The following AGT variants were observed in gnomAD, a reference collection of about 807,000 sequenced individuals.
The protein encoded by AGT is alpha-1 antiproteinase, antitrypsin.
Under a neutral mutation model 28.1 loss-of-function variants are expected in AGT, and 26 were observed. The observed-to-expected ratio is 0.92, with a 90% CI of 0.68 to 1.28. The LOEUF (loss-of-function observed/expected upper bound fraction) is 1.28. AGT is among the 50% of genes most tolerant of loss of function. The probability of loss-of-function intolerance (pLI) is 0.00; values close to 1 mark genes in which losing one functional copy is unlikely to be tolerated. For missense variants in AGT, 596 were observed against 592.3 expected (o/e 1.01, Z -0.06); for synonymous variants, 259 against 259.6 (o/e 1.00, Z 0.02).
chr1:230,727,098 T>C (rs974535329), intron 1 of AGT, among the ~76,000 whole-genome samples: 6 of 152,134 alleles, frequency 3.9e-5, no homozygotes, highest in Non-Finnish European at 8.8e-5. Context: ...TGGCAGGAAA[T>C]TAGAACCACA....
At chr1:230,724,372 G>C (rs981779773) in intron 1 of AGT, among the ~76,000 whole-genome samples, 2 of 152,112 alleles carry the variant, frequency 1.3e-5, no homozygotes, top group East Asian at 3.9e-4. Context: ...CTTATTTAAT[G>C]TATAATTTTA....
intron 1 of AGT, among the ~76,000 whole-genome samples, chr1:230,743,060 G>A (rs976029824): frequency 1.3e-5 from 2 of 152,036 alleles, no homozygotes; most frequent in African/African-American, 4.8e-5. Flanking sequence ...GCTCGATCTC[G>A]GCTCACTGCA....
Position 230,703,320 on chromosome 1 carries a change from T to C in AGT, c.1252A>G (p.Ser418Gly). Residue 418 changes from serine (S) to glycine (G), a missense_variant, in exon 5 of 5, where the codon AGC becomes GGC. Physicochemically the swap from Ser to Gly is moderately conservative, Grantham distance 56. Coordinates refer to ENST00000366667, the MANE Select transcript of AGT (RefSeq NM_001384479.1). ...DRIRVGEVLN[S>G]IFFELEADER... The stretch of plus-strand genomic sequence containing the variant: ...TCCGCTTCAAGCTCAAAAAAAATGC[T>C]GTTCAGCACCTGCAAAGCAGCAGAC... The C allele has an allele frequency of 6.2e-7, 1 of 1,614,208 alleles. No individual in the cohort carries two copies. Among genetic ancestry groups the C allele is most frequent in the Non-Finnish European group, 8.5e-7 (1 of 1,180,034 alleles).
chr1:230,719,936 A>G (rs1161141166), intron 1 of AGT, among the ~76,000 whole-genome samples: 2 of 152,198 alleles, frequency 1.3e-5, no homozygotes, highest in Admixed American at 1.3e-4. Flanking sequence ...TTGACAAAAG[A>G]AAAGCTTTCT....
chr1:230,703,027 G>C lies in AGT; in HGVS notation c.*114C>G. On this transcript the variant is annotated 3_prime_UTR_variant, in exon 5 of 5. Coordinates refer to ENST00000366667, the MANE Select transcript of AGT (RefSeq NM_001384479.1). Reference sequence around the variant, plus strand: ...GTCGACTCATTAGAAGAAAAGGTGGGAGACTGGGGGTGACACATCGCTGAT... The same window carrying C: ...GTCGACTCATTAGAAGAAAAGGTGGCAGACTGGGGGTGACACATCGCTGAT... 8.4e-7 allele frequency: 1 copy of C among 1,196,608 alleles called. No homozygotes were observed. The highest frequency in any genetic ancestry group is 1.2e-6 in the Non-Finnish European group (1 of 850,110). 74.1% of individuals were successfully genotyped at this position (1,196,608 alleles called of 1,614,324 possible).
chr1:230,739,387 G>T (rs540259888), intron 1 of AGT, among the ~76,000 whole-genome samples: 1 of 152,002 alleles, frequency 6.6e-6, no homozygotes, highest in Non-Finnish European at 1.5e-5. Flanking sequence ...ACTATGGGGC[G>T]GGGGGTGGCT....
intron 1 of AGT, among the ~76,000 whole-genome samples, chr1:230,740,607 A>C (rs1657589606): frequency 6.6e-6 from 1 of 152,186 alleles, no homozygotes; most frequent in African/African-American, 2.4e-5. Flanking sequence ...TTTTGGTGCG[A>C]GGTGGTAACT....
intron 1 of AGT, among the ~76,000 whole-genome samples, chr1:230,726,815 G>C (rs1663951978): frequency 1.3e-5 from 2 of 152,204 alleles, no homozygotes; most frequent in South Asian, 4.1e-4. Flanking sequence ...CTGCAGATTT[G>C]TCTAAACCCA....
chr1:230,709,438 A>T (rs1186219409), intron 2 of AGT, among the ~76,000 whole-genome samples: 2 of 78,474 alleles, frequency 2.5e-5, no homozygotes, highest in South Asian at 4.0e-4. Flanking sequence ...TGTCTCAATA[A>T]AAAAAAAAAA....
At chr1:230,714,866 T>A (rs1663697752), upstream of AGT, among the ~76,000 whole-genome samples, 1 of 152,202 alleles carries the variant, frequency 6.6e-6, no homozygotes, top group Non-Finnish European at 1.5e-5. Flanking sequence ...ATTCTTATTT[T>A]CCTATAGGTA....
At chr1:230,742,848 G>A (rs375077812) in intron 1 of AGT, among the ~76,000 whole-genome samples, 2 of 152,250 alleles carry the variant, frequency 1.3e-5, no homozygotes, top group African/African-American at 2.4e-5. Flanking sequence ...TTCGGGGTGC[G>A]GCTCTATCAT....
chr1:230,734,956 T>C (rs1029569833), intron 1 of AGT, among the ~76,000 whole-genome samples: 4 of 152,096 alleles, frequency 2.6e-5, no homozygotes, highest in East Asian at 1.9e-4. Context: ...CCTCGTGATC[T>C]GCCCACCTTG....
At chr1:230,730,774 C>T (rs1183969002) in intron 1 of AGT, among the ~76,000 whole-genome samples, 1 of 152,164 alleles carries the variant, frequency 6.6e-6, no homozygotes. Context: ...TTCCATTATA[C>T]TTCTCCAACA....
intron 1 of AGT, among the ~76,000 whole-genome samples, chr1:230,739,888 G>A (rs917084243): frequency 6.6e-6 from 1 of 152,146 alleles, no homozygotes; most frequent in African/African-American, 2.4e-5. Context: ...AGGGTTCTTG[G>A]ACCTCACGCA....
intron 1 of AGT, among the ~76,000 whole-genome samples, chr1:230,713,809 C>T (rs958004785): frequency 2.6e-5 from 4 of 152,166 alleles, no homozygotes; most frequent in Non-Finnish European, 5.9e-5. Context: ...TGTTCCTGTA[C>T]CAGTCTGCTC....
At chr1:230,736,255 G>T (rs2102805607) in intron 1 of AGT, among the ~76,000 whole-genome samples, 1 of 152,182 alleles carries the variant, frequency 6.6e-6, no homozygotes, top group Non-Finnish European at 1.5e-5. Flanking sequence ...TGGGCGCGGT[G>T]GCTCACACCT....
At chr1:230,738,884 T>C (rs904573932) in intron 1 of AGT, among the ~76,000 whole-genome samples, 1 of 152,154 alleles carries the variant, frequency 6.6e-6, no homozygotes, top group Non-Finnish European at 1.5e-5. Flanking sequence ...CCCAGTAATA[T>C]TGTACACAGA....
intron 1 of AGT, among the ~76,000 whole-genome samples, chr1:230,735,098 T>C (rs79414992): frequency 0.011 from 1,687 of 152,226 alleles, 30 homozygotes; most frequent in African/African-American, 0.039. Flanking sequence ...CCGTTGCTCA[T>C]GGAGGACTGC....
At chr1:230,725,334 G>A (rs564931916) in intron 1 of AGT, among the ~76,000 whole-genome samples, 1 of 152,270 alleles carries the variant, frequency 6.6e-6, no homozygotes, top group Non-Finnish European at 1.5e-5. Context: ...GCAGGCCTAG[G>A]GTGCTATTTC....
Sources: gnomAD v4.1 joint callset for allele counts (sites outside exome capture counted in the v4.1 genomes callset) on GRCh38, gnomAD v4.1.1 for gene constraint, MANE v1.5 for transcripts, NCBI Gene and HGNC (gene_info 2026-07-23, HGNC 2026-07-21) for gene names.